RGS6: variants seen among roughly 807,000 people sequenced by gnomAD.
The protein encoded by RGS6 is regulator of G-protein signaling 6.
In RGS6, 30 loss-of-function variants were observed where a neutral mutation model predicts 78.5. The ratio of observed to expected loss-of-function variants is 0.38; its 90% CI spans 0.29 to 0.52. RGS6 has a LOEUF of 0.52. Among genes scored for constraint, RGS6 ranks in the 20% least tolerant of loss-of-function variants. RGS6 has a pLI of 0.85. For missense variants in RGS6, 495 were observed against 609.7 expected, an observed-to-expected ratio of 0.81 and a Z score of 1.98; for synonymous variants, 206 against 206.0, an observed-to-expected ratio of 1.00 and a Z score of 0.00.
chr14:72,607,594 C>T, the RGS6 span, among the ~76,000 whole-genome samples: 1 of 152,214 alleles, frequency 6.6e-6, no homozygotes, highest in African/African-American at 2.4e-5. Context: ...GCCGGGTTCC[C>T]TGGGGTTAAA....
At chr14:71,880,120 A>G in the RGS6 span, among the ~76,000 whole-genome samples, 3,053 of 152,316 alleles carry the variant, frequency 0.02, 105 homozygotes, top group African/African-American at 0.07. Context: ...CCCCTCCCCT[A>G]GAGATTTGTG....
At chr14:72,301,056 T>A (rs2152404766) in intron 2 of RGS6, among the ~76,000 whole-genome samples, 1 of 152,306 alleles carries the variant, frequency 6.6e-6, no homozygotes, top group South Asian at 2.1e-4. Flanking sequence ...TGGTGGAACA[T>A]AGCATTATAG....
intron 15 of RGS6, among the ~76,000 whole-genome samples, chr14:72,535,589 A>G (rs1195091176): frequency 1.3e-5 from 2 of 152,130 alleles, no homozygotes; most frequent in African/African-American, 4.8e-5. Flanking sequence ...GTATGTGTGC[A>G]TTTAGTTCTA....
At chr14:72,194,743 T>C (rs1225988371) in intron 2 of RGS6, among the ~76,000 whole-genome samples, 1 of 152,064 alleles carries the variant, frequency 6.6e-6, no homozygotes, top group Non-Finnish European at 1.5e-5. Context: ...AGAAGATATT[T>C]GTTATGGTAA....
At chr14:72,461,746 A>T (rs1317591730) in intron 6 of RGS6, among the ~76,000 whole-genome samples, 1 of 152,162 alleles carries the variant, frequency 6.6e-6, no homozygotes, top group East Asian at 1.9e-4. Context: ...TTAGTTAGAA[A>T]ATCAGGATGT....
intron 2 of RGS6, among the ~76,000 whole-genome samples, chr14:72,294,641 G>A (rs964887463): frequency 2.6e-5 from 4 of 152,140 alleles, no homozygotes; most frequent in Non-Finnish European, 5.9e-5. Context: ...GGAGGCCTTG[G>A]GAAAACTTAG....
At chr14:71,951,760 C>G (rs758547889) in intron 1 of RGS6, among the ~76,000 whole-genome samples, 24 of 152,160 alleles carry the variant, frequency 1.6e-4, no homozygotes, top group Middle Eastern at 3.4e-3. Context: ...TTATTTAGAT[C>G]TGTCTCTCAC....
Position 72,025,873 on chromosome 14 carries a change from C to G in RGS6, c.84+60998C>G, listed in dbSNP as rs141229021. Among the ~76,000 whole-genome samples, 1,000 of 152,210 alleles carry G rather than the reference C, an allele frequency of 6.6e-3. 4 individuals carry two copies. Among genetic ancestry groups the G allele is most frequent in the South Asian group, 0.021 (103 of 4,822 alleles). On this transcript the variant is annotated intron_variant, in intron 2 of 17. Coordinates refer to ENST00000553525, the MANE Select transcript of RGS6 (RefSeq NM_001204424.2). Reference sequence around the variant, plus strand: ...CCAAAGCCCATGTGTGGTTATAAAGCCGTGTTCTTACCACTATATTATGCT... The same window carrying G: ...CCAAAGCCCATGTGTGGTTATAAAGGCGTGTTCTTACCACTATATTATGCT...
chr14:71,871,066 C>G, the RGS6 span, among the ~76,000 whole-genome samples: 12 of 152,312 alleles, frequency 7.9e-5, no homozygotes, highest in East Asian at 1.7e-3. Flanking sequence ...TTCCAGCTGA[C>G]TTGTGGCACA....
chr14:72,531,431 C>CAAAAAAAAAAAAAAAAAAAAAAAAAA (rs58751762), intron 15 of RGS6, among the ~76,000 whole-genome samples: 1 of 66,730 alleles, frequency 1.5e-5, no homozygotes, highest in Non-Finnish European at 3.3e-5. Context: ...GACTTTATCT[C>CAAAAAAAAAAAAAAAAAAAAAAAAAA]AAAAAAAAAA....
chr14:72,073,552 C>T (rs547720702), intron 2 of RGS6, among the ~76,000 whole-genome samples: 36 of 152,296 alleles, frequency 2.4e-4, no homozygotes, highest in African/African-American at 7.9e-4. Context: ...GGACAGGACA[C>T]CATCCCATCA....
chr14:72,046,015 G>A (rs1423048253), intron 2 of RGS6, among the ~76,000 whole-genome samples: 1 of 152,082 alleles, frequency 6.6e-6, no homozygotes, highest in African/African-American at 2.4e-5. Context: ...CAAAAGTTTG[G>A]TCGTAGTGAA....
chr14:72,241,896 C>T (rs897704394), intron 2 of RGS6, among the ~76,000 whole-genome samples: 1 of 152,198 alleles, frequency 6.6e-6, no homozygotes, highest in African/African-American at 2.4e-5. Flanking sequence ...GCGGCCATGC[C>T]ATTTAATATA....
chr14:72,138,464 T>G (rs895562004), intron 2 of RGS6, among the ~76,000 whole-genome samples: 1 of 150,318 alleles, frequency 6.7e-6, no homozygotes, highest in Non-Finnish European at 1.5e-5. Flanking sequence ...TTTTTTTTTT[T>G]TTTTTTTTTT....
intron 2 of RGS6, among the ~76,000 whole-genome samples, chr14:72,147,913 C>CTG: frequency 1.3e-5 from 2 of 152,028 alleles, no homozygotes; most frequent in African/African-American, 4.8e-5. Context: ...GGGCAGATCA[C>CTG]GAAGTCAGGA....
At chr14:72,182,402 G>C (rs1234630831) in intron 2 of RGS6, among the ~76,000 whole-genome samples, 1 of 113,774 alleles carries the variant, frequency 8.8e-6, no homozygotes, top group Non-Finnish European at 1.7e-5. Context: ...ATCGTGCCAA[G>C]AGAGACTCCA....
chr14:71,912,779 T>C, the RGS6 span, among the ~76,000 whole-genome samples: 1 of 152,186 alleles, frequency 6.6e-6, no homozygotes, highest in Non-Finnish European at 1.5e-5. Flanking sequence ...GGTCAGCTTA[T>C]AGAGACTGCA....
intron 3 of RGS6, among the ~76,000 whole-genome samples, chr14:72,416,309 G>T (rs945640806): frequency 2.0e-5 from 3 of 152,098 alleles, no homozygotes; most frequent in African/African-American, 7.2e-5. Flanking sequence ...TATCCCTCAT[G>T]GACCTTGAGC....
chr14:72,057,936 T>G (rs1267870659), intron 2 of RGS6, among the ~76,000 whole-genome samples: 1 of 152,214 alleles, frequency 6.6e-6, no homozygotes, highest in Non-Finnish European at 1.5e-5. Flanking sequence ...TAGCCTCTGT[T>G]TTGAATTCTA....
Sources: allele counts gnomAD v4.1 joint callset (sites outside exome capture counted in the v4.1 genomes callset), GRCh38; gene constraint gnomAD v4.1.1; transcripts MANE v1.5; gene names NCBI Gene and HGNC (gene_info 2026-07-23, HGNC 2026-07-21).